CRMP1: variants seen among roughly 807,000 people sequenced by gnomAD.
The protein encoded by CRMP1 is dihydropyrimidinase-related protein 1.
Under a neutral mutation model 68.3 loss-of-function variants are expected in CRMP1, and 19 were observed. The ratio of observed to expected loss-of-function variants is 0.28; its 90% CI spans 0.19 to 0.41. The LOEUF (loss-of-function observed/expected upper bound fraction) is 0.41, where lower values mean the gene tolerates loss of function less well. Ranked by LOEUF, CRMP1 falls within the 10% of genes least tolerant of loss-of-function variation. The pLI is 1.00. For synonymous variants in CRMP1, 439 were observed against 399.6 expected (o/e 1.10, Z -1.18); for missense variants, 791 against 967.4 (o/e 0.82, Z 2.42).
Position 5,821,990 on chromosome 4 carries a change from G to T in CRMP1, c.1970-139C>A. ...CTCAGTCCAGGACCAGCCATGGGAA[G>T]CCTCCCTGGCCTCCACAGAGTCCAC... is the stretch of plus-strand genomic sequence containing the variant. On this transcript the variant is annotated intron_variant, in intron 13 of 13. Transcript: ENST00000324989. The surrounding 1 kb of genome is among the most constrained non-coding windows in gnomAD (Gnocchi z 4.4). 1 of 650,784 alleles carries T rather than the reference G, an allele frequency of 1.5e-6. No individual in the cohort carries two copies. The highest frequency in any genetic ancestry group is 2.5e-6 in the Non-Finnish European group (1 of 399,364). The allele number at this position is 650,784 out of a possible 1,614,324, so 40.3% of individuals were successfully genotyped here. A position where few individuals can be genotyped will look rare whatever the true frequency, so the allele number is the denominator to read the frequency against.
At chr4:5,826,436 G>A (rs1342830937) in intron 12 of CRMP1, 1 of 149,482 alleles carries the variant, frequency 6.7e-6, no homozygotes, top group Non-Finnish European at 1.5e-5. Context: ...TGGGGGGCAG[G>A]GCTGGGGATG....
intron 1 of CRMP1, among the ~76,000 whole-genome samples, chr4:5,873,985 T>C (rs1388086347): frequency 6.6e-6 from 1 of 152,138 alleles, no homozygotes; most frequent in Non-Finnish European, 1.5e-5. Flanking sequence ...ACATGAGCGC[T>C]GGGTGGAAAT....
Position 5,825,708 on chromosome 4 carries a change from C to G in CRMP1, c.1804-49G>C, listed in dbSNP as rs1350029450. ...GATTGATCGACACTGTGCATGTGTG[C>G]CCTTCTGGGCAGATAAAGCAGAGCC... is the stretch of plus-strand genomic sequence containing the variant. On this transcript the variant is annotated intron_variant, in intron 12 of 13. Transcript: ENST00000324989. This position sits in a 1 kb window ranked among gnomAD's most constrained non-coding sequence, Gnocchi z 4.4. 2 of 1,581,822 alleles carry G rather than the reference C, an allele frequency of 1.3e-6. No homozygotes were observed. The highest frequency in any genetic ancestry group is 1.7e-6 in the Non-Finnish European group (2 of 1,164,602).
At chr4:5,832,640 A>T (rs1720457734) in intron 11 of CRMP1, among the ~76,000 whole-genome samples, 2 of 152,232 alleles carry the variant, frequency 1.3e-5, no homozygotes, top group African/African-American at 4.8e-5. Flanking sequence ...TGAAACAGAC[A>T]AAATCCTTTG....
Position 5,841,265 on chromosome 4 carries a change from C to T in CRMP1, c.1153+43G>A, listed in dbSNP as rs2152459871. On this transcript the variant is annotated intron_variant, in intron 8 of 13. Coordinates refer to ENST00000324989, the MANE Select transcript of CRMP1 (RefSeq NM_001014809.3). This position sits in a 1 kb window ranked among gnomAD's most constrained non-coding sequence, Gnocchi z 6.9. The stretch of plus-strand genomic sequence containing the variant: ...CTTGAACCTGCAGGACACCCCCTTC[C>T]AGGCCCCAGCTGCCCCCAGAAGGCC... 6.2e-7 allele frequency: 1 copy of T among 1,613,544 alleles called. No individual in the cohort carries two copies. The highest frequency in any genetic ancestry group is 1.7e-4 in the Middle Eastern group (1 of 6,060).
At chr4:5,840,040 A>G (rs966833230) in intron 8 of CRMP1, among the ~76,000 whole-genome samples, 1 of 152,268 alleles carries the variant, frequency 6.6e-6, no homozygotes, top group African/African-American at 2.4e-5. Context: ...TGCCAGAAGC[A>G]GATCTTAGGA....
At chr4:5,876,738 C>A (rs1714863096) in intron 1 of CRMP1, among the ~76,000 whole-genome samples, 1 of 150,174 alleles carries the variant, frequency 6.7e-6, no homozygotes, top group African/African-American at 2.5e-5. Flanking sequence ...AGGCATATCC[C>A]CCCACCACCC....
Position 5,888,092 on chromosome 4 carries a change from G to A in CRMP1, c.381+4497C>T. On this transcript the variant is annotated intron_variant, in intron 1 of 13. Transcript: ENST00000324989. This position sits in a 1 kb window ranked among gnomAD's most constrained non-coding sequence, Gnocchi z 6.4. The stretch of plus-strand genomic sequence containing the variant: ...GGAGGGGGCTGAAATCCCGAGACCG[G>A]CCCCGCCCCACCCGCGGCGACGCAG... The A allele has an allele frequency of 1.9e-6, 2 of 1,037,528 alleles. No individual in the cohort carries two copies. The highest frequency in any genetic ancestry group is 1.2e-6 in the Non-Finnish European group (1 of 815,396). 64.3% of individuals were successfully genotyped at this position (1,037,528 alleles called of 1,614,324 possible). A position where few individuals can be genotyped will look rare whatever the true frequency, so the allele number is the denominator to read the frequency against.
In CRMP1 at chr4:5,870,100, A is replaced by C. The variant is rs1049820627; in HGVS notation, c.382-3344T>G. Among the ~76,000 whole-genome samples the C allele has an allele frequency of 6.6e-6, 1 of 152,184 alleles. No homozygotes were observed. The highest frequency in any genetic ancestry group is 2.4e-5 in the African/African-American group (1 of 41,440). On this transcript the variant is annotated intron_variant, in intron 1 of 13. Coordinates refer to ENST00000324989, the MANE Select transcript of CRMP1 (RefSeq NM_001014809.3). This position sits in a 1 kb window ranked among gnomAD's most constrained non-coding sequence, Gnocchi z 6.0. ...TGCATCAGAATCATACTTCCCTCAG[A>C]GTGAAAGCCAAGGTCAGCGAGACCC...
intron 4 of CRMP1, among the ~76,000 whole-genome samples, chr4:5,852,866 C>A (rs1179916153): frequency 1.3e-5 from 2 of 152,070 alleles, no homozygotes; most frequent in Non-Finnish European, 2.9e-5. Context: ...CAGCTCAGCA[C>A]GAACAGGAGA....
At position 5,877,127 on chromosome 4, in the gene CRMP1, C is replaced by T. The variant is rs1714895981; in HGVS notation, c.382-10371G>A. Among the ~76,000 whole-genome samples, 3 of 152,128 alleles carry T rather than the reference C, an allele frequency of 2.0e-5. No individual in the cohort carries two copies. The highest frequency in any genetic ancestry group is 2.0e-4 in the Admixed American group (3 of 15,272). ...ACCACAGGACCCAAGGAGTGGCAGC[C>T]CCAGAATGAGAGGATTTGAGGAGCA... is the stretch of plus-strand genomic sequence containing the variant. On this transcript the variant is annotated intron_variant, in intron 1 of 13. Transcript: ENST00000324989. The surrounding 1 kb of genome is among the most constrained non-coding windows in gnomAD (Gnocchi z 4.3).
chr4:5,839,439 C>T (rs920073713), intron 9 of CRMP1, 83 bp downstream of exon 9: 7 of 1,506,808 alleles, frequency 4.6e-6, no homozygotes, highest in Non-Finnish European at 6.3e-6. Flanking sequence ...GAGTCCAAAC[C>T]AGCCTGCGGA....
Position 5,864,382 on chromosome 4 carries a change from T to C in CRMP1, c.470+2286A>G, listed in dbSNP as rs111704184. 5.3e-5 allele frequency among the ~76,000 whole-genome samples: 8 copies of C among 152,352 alleles called. No homozygotes were observed. In the South Asian group the frequency reaches 8.3e-4, roughly 16 times the overall value. ...TGCTTTCTCTCTATCTAAGCCATGG[T>C]TGAGTTAGAAAACCTCATTTTTTGA... is the stretch of plus-strand genomic sequence containing the variant. On this transcript the variant is annotated intron_variant, in intron 2 of 13. Coordinates refer to ENST00000324989, the MANE Select transcript of CRMP1 (RefSeq NM_001014809.3).
At chr4:5,868,282 T>G (rs1284114317) in intron 1 of CRMP1, among the ~76,000 whole-genome samples, 1 of 92,138 alleles carries the variant, frequency 1.1e-5, no homozygotes, top group African/African-American at 4.5e-5. Flanking sequence ...TATATATATA[T>G]ATATATATAT....
In CRMP1 at chr4:5,841,243, G is replaced by T; in HGVS notation, c.1153+65C>A. On this transcript the variant is annotated intron_variant, in intron 8 of 13. Coordinates refer to ENST00000324989, the MANE Select transcript of CRMP1 (RefSeq NM_001014809.3). The surrounding 1 kb of genome is among the most constrained non-coding windows in gnomAD (Gnocchi z 6.9). ...TCTGAGTTCGGGAGGGAGTGAACTT[G>T]AACCTGCAGGACACCCCCTTCCAGG... The T allele has an allele frequency of 6.2e-7, 1 of 1,612,562 alleles. No individual in the cohort carries two copies. The highest frequency in any genetic ancestry group is 1.1e-5 in the South Asian group (1 of 90,906).
rs1338532050 is a variant in CRMP1, at chr4:5,825,846, TACAC to T, written c.1804-191_1804-188del. ...ACATGCAGCCGCACACAGGCATTCA[TACAC>T]ACAAGCATGCATACACACACATCTA... On this transcript the variant is annotated intron_variant, in intron 12 of 13. Coordinates refer to ENST00000324989, the MANE Select transcript of CRMP1 (RefSeq NM_001014809.3). This position sits in a 1 kb window ranked among gnomAD's most constrained non-coding sequence, Gnocchi z 4.4. 4.2e-5 allele frequency: 25 copies of T among 596,286 alleles called. No homozygotes were observed. The highest frequency in any genetic ancestry group is 6.0e-5 in the Non-Finnish European group (21 of 350,870). 36.9% of individuals were successfully genotyped at this position (596,286 alleles called of 1,614,324 possible).
intron 12 of CRMP1, among the ~76,000 whole-genome samples, chr4:5,827,486 C>G (rs535648658): frequency 5.9e-5 from 9 of 152,128 alleles, no homozygotes; most frequent in Non-Finnish European, 1.2e-4. Context: ...CGGGCTGGAG[C>G]CTGGGAATGC....
intron 4 of CRMP1, 21 bp downstream of exon 4, chr4:5,856,122 C>A (rs770915375): frequency 4.3e-6 from 7 of 1,612,202 alleles, no homozygotes; most frequent in Admixed American, 1.7e-5. Flanking sequence ...CCCAAAACCC[C>A]GTTCCGAGGC....
rs755766403 is a variant in CRMP1, at chr4:5,892,924, C to A, written c.46G>T (p.Val16Leu). 1.5e-6 allele frequency: 2 copies of A among 1,308,958 alleles called. No individual in the cohort carries two copies. Among genetic ancestry groups the A allele is most frequent in the South Asian group, 1.9e-5 (1 of 51,928 alleles). The allele number at this position is 1,308,958 out of a possible 1,614,324, so 81.1% of individuals were successfully genotyped here. ...GCGCTGCCCGGCCGCGCCAGGTACA[C>A]GGGCAGGTCGTCCTCGGTGTTCCAC... ...RAWNTEDDLP[V>L]YLARPGSAAQ... Residue 16 changes from valine (V) to leucine (L), a missense_variant, in exon 1 of 14, where the codon GTG becomes TTG. By Grantham distance (32) the Val-to-Leu change is conservative. Around this residue, in one of 3 missense-constraint regions of CRMP1, gnomAD observed 193 missense variants for 186.3 expected, o/e 1.04. Transcript: ENST00000324989. This position sits in a 1 kb window ranked among gnomAD's most constrained non-coding sequence, Gnocchi z 8.6.
Sources: allele counts gnomAD v4.1 joint callset (sites outside exome capture counted in the v4.1 genomes callset), GRCh38; gene constraint gnomAD v4.1.1; regional missense constraint gnomAD v4.1.1; non-coding constraint Gnocchi (gnomAD v3.1); transcripts MANE v1.5; gene names NCBI Gene and HGNC (gene_info 2026-07-23, HGNC 2026-07-21).